Variants in NBPF3 observed in about 807,000 individuals in gnomAD.
NBPF3 encodes NBPF member 3.
NBPF3 carries 57 observed loss-of-function variants against 78.1 expected under a neutral mutation model. The observed-to-expected ratio is 0.73, with a 90% confidence interval of 0.59 to 0.91. The LOEUF is 0.91. NBPF3 is among the 40% of genes least tolerant of loss of function. The probability of loss-of-function intolerance (pLI) is 0.00; values close to 1 mark genes in which losing one functional copy is unlikely to be tolerated. For synonymous variants in NBPF3, 182 were observed against 271.7 expected (o/e 0.67, Z 3.25); for missense variants, 510 against 715.3 (o/e 0.71, Z 3.27).
In NBPF3 at chr1:21,460,306, G is replaced by A. The variant is rs1641879114; in HGVS notation, c.134-8382G>A. ...TGTTACATAGGTGTACATGTGCCAT[G>A]TTGGTTTGCTGCACCCATTAACTCG... On this transcript the variant is annotated intron_variant, in intron 2 of 14. Coordinates refer to ENST00000318249, the MANE Select transcript of NBPF3 (RefSeq NM_032264.6). The surrounding 1 kb of genome is among the most constrained non-coding windows in gnomAD (Gnocchi z 4.2). 6.6e-6 allele frequency among the ~76,000 whole-genome samples: 1 copy of A among 152,170 alleles called. No homozygotes were observed. Among genetic ancestry groups the A allele is most frequent in the Admixed American group, 6.5e-5 (1 of 15,284 alleles).
chr1:21,466,102 G>T, intron 2 of NBPF3: 3 of 985,574 alleles, frequency 3.0e-6, no homozygotes, highest in Non-Finnish European at 3.6e-6. Context: ...CTTGGGAGGA[G>T]CCCGAATCAC....
chr1:21,469,682 G>T (rs747873760), intron 3 of NBPF3, among the ~76,000 whole-genome samples: 1 of 152,152 alleles, frequency 6.6e-6, no homozygotes, highest in Non-Finnish European at 1.5e-5. Flanking sequence ...CCAAGAACAC[G>T]CCATTGCACT....
chr1:21,472,040 C>T (rs1204884180), intron 5 of NBPF3, among the ~76,000 whole-genome samples: 1 of 152,136 alleles, frequency 6.6e-6, no homozygotes, highest in Admixed American at 6.5e-5. Context: ...CTGCACGTTT[C>T]TAGTTTTAAA....
chr1:21,465,260 A>T (rs1206543526), intron 2 of NBPF3, among the ~76,000 whole-genome samples: 6 of 152,282 alleles, frequency 3.9e-5, no homozygotes, highest in African/African-American at 1.2e-4. Context: ...AAACAGAAAG[A>T]ATCATCCCAT....
intron 2 of NBPF3, chr1:21,467,246 C>T: frequency 1.0e-6 from 1 of 985,422 alleles, no homozygotes; most frequent in Non-Finnish European, 1.2e-6. Context: ...TCCAGTCCTC[C>T]TTCCTTCACT....
At chr1:21,467,880 T>G (rs1642366241) in intron 2 of NBPF3, among the ~76,000 whole-genome samples, 2 of 152,130 alleles carry the variant, frequency 1.3e-5, no homozygotes, top group African/African-American at 4.8e-5. Flanking sequence ...GATGTCAAAC[T>G]GGTCTAGAGT....
chr1:21,463,851 G>A (rs551346389), intron 2 of NBPF3, among the ~76,000 whole-genome samples: 20 of 152,284 alleles, frequency 1.3e-4, no homozygotes, highest in African/African-American at 4.8e-4. Context: ...CACATGCAAA[G>A]ATGTTCAATG....
chr1:21,473,055 A>G (rs1642689610), intron 6 of NBPF3, 140 bp downstream of exon 6: 1 of 749,502 alleles, frequency 1.3e-6, no homozygotes, highest in East Asian at 2.5e-5. Flanking sequence ...GCCAGCTTGG[A>G]CACAGGGTGT....
intron 7 of NBPF3, 30 bp from the exon 8 acceptor site, chr1:21,474,870 T>G: frequency 6.3e-7 from 1 of 1,589,228 alleles, no homozygotes; most frequent in Non-Finnish European, 8.6e-7. Flanking sequence ...AATTGCTTAA[T>G]GTGACCTGCT....
chr1:21,473,393 G>A lies in NBPF3; in HGVS notation c.748G>A (p.Ala250Thr), dbSNP rs1169817537. The A allele has an allele frequency of 1.2e-6, 2 of 1,613,968 alleles. No individual in the cohort carries two copies. Among genetic ancestry groups the A allele is most frequent in the African/African-American group, 1.3e-5 (1 of 74,924 alleles). The change falls in exon 7 of 15, where the codon GCT becomes ACT. Residue 250 changes from alanine to threonine, a missense_variant. Coordinates refer to ENST00000318249, the MANE Select transcript of NBPF3 (RefSeq NM_032264.6). ...CTGGCTCATCAGGGAGGTGCAGAAG[G>A]CTGAAGAAAAGGAAGTCCCTGAGGA... ...ELYAPREVQK[A>T]EEKEVPEDSL...
At chr1:21,451,459 G>C (rs922855636) in intron 2 of NBPF3, among the ~76,000 whole-genome samples, 7 of 152,194 alleles carry the variant, frequency 4.6e-5, no homozygotes, top group African/African-American at 1.7e-4. Flanking sequence ...AGATGAGAAA[G>C]CTTTTGCCCC....
intron 6 of NBPF3, 27 bp downstream of exon 6, chr1:21,472,942 A>T (rs1436833871): frequency 6.5e-7 from 1 of 1,529,732 alleles, no homozygotes; most frequent in Non-Finnish European, 9.1e-7. Context: ...GGGAGCAAGT[A>T]ATGGGTGGTA....
At chr1:21,462,896 G>A (rs552864848) in intron 2 of NBPF3, among the ~76,000 whole-genome samples, 82 of 152,266 alleles carry the variant, frequency 5.4e-4, no homozygotes, top group Admixed American at 1.2e-3. Flanking sequence ...AAATATGATC[G>A]CATGGCAGTG....
chr1:21,471,795 A>G lies in NBPF3; in HGVS notation c.661+12A>G, dbSNP rs372527016. 6.2e-7 allele frequency: 1 copy of G among 1,612,180 alleles called. No homozygotes were observed. Among genetic ancestry groups the G allele is most frequent in the African/African-American group, 1.3e-5 (1 of 74,742 alleles). The stretch of plus-strand genomic sequence containing the variant: ...AAAGCTCAGCCCAGGTGAGGTGGCC[A>G]TAGGCCCTGATGACCCAAAACCCCA... On this transcript the variant is annotated intron_variant, in intron 5 of 14. Transcript: ENST00000318249.
At position 21,460,383 on chromosome 1, in the gene NBPF3, C is replaced by G. The variant is rs1356291905; in HGVS notation, c.134-8305C>G. On this transcript the variant is annotated intron_variant, in intron 2 of 14. Coordinates refer to ENST00000318249, the MANE Select transcript of NBPF3 (RefSeq NM_032264.6). The surrounding 1 kb of genome is among the most constrained non-coding windows in gnomAD (Gnocchi z 4.2). ...TGCTATCCCTCCTCCAGCCCCCAACCCCAGGGACAGGCCGTGGTGTGTGAT... is the reference window on the plus strand; with the variant it reads ...TGCTATCCCTCCTCCAGCCCCCAACGCCAGGGACAGGCCGTGGTGTGTGAT... 6.6e-6 allele frequency among the ~76,000 whole-genome samples: 1 copy of G among 152,130 alleles called. No individual in the cohort carries two copies. Among genetic ancestry groups the G allele is most frequent in the Non-Finnish European group, 1.5e-5 (1 of 68,030 alleles).
At chr1:21,472,756 A>ATGTTCATGTCTGTG (rs1642667780) in intron 5 of NBPF3, 87 bp from the exon 6 acceptor site, 2 of 919,378 alleles carry the variant, frequency 2.2e-6, no homozygotes, top group Admixed American at 1.7e-5. Flanking sequence ...CCATGCCTAG[A>ATGTTCATGTCTGTG]TGTTCATGTC....
At chr1:21,469,798 G>A (rs1383811608) in intron 3 of NBPF3, among the ~76,000 whole-genome samples, 3 of 152,306 alleles carry the variant, frequency 2.0e-5, no homozygotes, top group South Asian at 4.1e-4. Context: ...TAAAGAGGAA[G>A]AAGGATCGCA....
At chr1:21,463,806 G>A (rs1052517418) in intron 2 of NBPF3, among the ~76,000 whole-genome samples, 1 of 152,044 alleles carries the variant, frequency 6.6e-6, no homozygotes, top group African/African-American at 2.4e-5. Flanking sequence ...GTGAGTAGAG[G>A]TTTCTCTAAA....
At chr1:21,463,746 T>C (rs1642091359) in intron 2 of NBPF3, among the ~76,000 whole-genome samples, 1 of 152,272 alleles carries the variant, frequency 6.6e-6, no homozygotes, top group African/African-American at 2.4e-5. Context: ...AAGGAATTCA[T>C]ATAACTGAGC....
Sources: gnomAD v4.1 joint callset for allele counts (sites outside exome capture counted in the v4.1 genomes callset) on GRCh38, gnomAD v4.1.1 for gene constraint, Gnocchi (gnomAD v3.1) non-coding constraint, MANE v1.5 for transcripts, NCBI Gene and HGNC (gene_info 2026-07-23, HGNC 2026-07-21) for gene names.